The following LAMC3 variants were observed in gnomAD, a reference collection of about 807,000 sequenced individuals.
The protein encoded by LAMC3 is laminin subunit gamma 3, also known as laminin subunit gamma-3.
A neutral mutation model predicts 173.8 loss-of-function variants in LAMC3; 128 were observed. That is an observed-to-expected ratio of 0.74 (90% CI 0.64 to 0.85). The LOEUF is 0.85. Ranked by LOEUF, LAMC3 falls within the 40% of genes least tolerant of loss-of-function variation. The pLI is 0.00. For synonymous variants in LAMC3, 897 were observed against 909.1 expected, an observed-to-expected ratio of 0.99 and a Z score of 0.24; for missense variants, 2,022 against 2,156.0, an observed-to-expected ratio of 0.94 and a Z score of 1.23.
At chr9:131,043,582 A>G (rs1834095307) in intron 7 of LAMC3, among the ~76,000 whole-genome samples, 1 of 152,256 alleles carries the variant, frequency 6.6e-6, no homozygotes, top group South Asian at 2.1e-4. Flanking sequence ...ATAGTATTGG[A>G]TTATAACCCA....
At chr9:131,024,428 G>A (rs1225059654) in intron 1 of LAMC3, among the ~76,000 whole-genome samples, 1 of 152,142 alleles carries the variant, frequency 6.6e-6, no homozygotes, top group East Asian at 1.9e-4. Context: ...TTACAGGCAT[G>A]AGCCACCGCA....
intron 1 of LAMC3, among the ~76,000 whole-genome samples, chr9:131,024,435 C>T (rs774685241): frequency 4.6e-5 from 7 of 152,080 alleles, no homozygotes; most frequent in Non-Finnish European, 8.8e-5. Flanking sequence ...CATGAGCCAC[C>T]GCACCCAGCC....
intron 11 of LAMC3, among the ~76,000 whole-genome samples, chr9:131,054,708 G>A (rs1051848343): frequency 6.6e-6 from 1 of 151,780 alleles, no homozygotes; most frequent in African/African-American, 2.4e-5. Flanking sequence ...TCATGCCACT[G>A]CACTCCAGCC....
intron 7 of LAMC3, 56 bp from the exon 8 acceptor site, chr9:131,045,468 G>C (rs899526832): frequency 3.1e-6 from 5 of 1,606,528 alleles, no homozygotes; most frequent in Non-Finnish European, 4.2e-6. Context: ...CCCTGGCCCC[G>C]CCCCTTCCTG....
At chr9:131,088,957 T>A (rs977455246) in intron 27 of LAMC3, among the ~76,000 whole-genome samples, 9 of 152,022 alleles carry the variant, frequency 5.9e-5, no homozygotes, top group Non-Finnish European at 1.3e-4. Context: ...TGGTGGCACA[T>A]GCCTGTAATC....
intron 21 of LAMC3, among the ~76,000 whole-genome samples, chr9:131,076,376 C>T (rs1830126959): frequency 6.6e-6 from 1 of 152,142 alleles, no homozygotes; most frequent in Admixed American, 6.5e-5. Context: ...GCTTTGGTGA[C>T]CCCTTCTGTC....
chr9:131,040,200 T>TG (rs1442378250), intron 6 of LAMC3, among the ~76,000 whole-genome samples: 1 of 151,352 alleles, frequency 6.6e-6, no homozygotes, highest in African/African-American at 2.4e-5. Context: ...TTTTTTAAGA[T>TG]GGAGTCCTCC....
intron 24 of LAMC3, among the ~76,000 whole-genome samples, chr9:131,082,541 C>A (rs1048288287): frequency 2.0e-5 from 3 of 152,166 alleles, no homozygotes; most frequent in African/African-American, 4.8e-5. Context: ...CTATGGGAAG[C>A]AGATGGAGTT....
intron 27 of LAMC3, among the ~76,000 whole-genome samples, chr9:131,088,782 ATGAATT>A (rs1352211155): frequency 2.6e-5 from 4 of 151,714 alleles, no homozygotes; most frequent in Admixed American, 2.6e-4. Context: ...TTCTGTCTCT[ATGAATT>A]TGACTACTCT....
chr9:131,026,622 C>A lies in LAMC3; in HGVS notation c.678+33C>A, dbSNP rs761549194. On this transcript the variant is annotated intron_variant, in intron 2 of 27. Coordinates refer to ENST00000361069, the MANE Select transcript of LAMC3 (RefSeq NM_006059.4). The surrounding 1 kb of genome is among the most constrained non-coding windows in gnomAD (Gnocchi z 4.8). ...AGGAGCGGGGCTTCGGAGGTTGGGACGGGGTTGGGACTGGGTCACGGCAGT... is the reference window on the plus strand; with the variant it reads ...AGGAGCGGGGCTTCGGAGGTTGGGAAGGGGTTGGGACTGGGTCACGGCAGT... 6.5e-7 allele frequency: 1 copy of A among 1,534,390 alleles called. No homozygotes were observed.
intron 11 of LAMC3, among the ~76,000 whole-genome samples, chr9:131,053,894 C>T (rs955225415): frequency 4.6e-5 from 7 of 151,918 alleles, no homozygotes; most frequent in African/African-American, 1.7e-4. Flanking sequence ...CCTGTAATTC[C>T]AGCTACTCAG....
Position 131,039,247 on chromosome 9 carries a change from A to G in LAMC3, c.1282A>G (p.Arg428Gly). 6.2e-7 allele frequency: 1 copy of G among 1,603,244 alleles called. No homozygotes were observed. Among genetic ancestry groups the G allele is most frequent in the Non-Finnish European group, 8.5e-7 (1 of 1,179,538 alleles). ...GFHSLSEGGC[R>G]PCTCNPAGSL... ...CCACTCGCTCAGTGAGGGAGGCTGCAGGTGAGGGCGAGGGGCGGCCCAGTA... is the reference window on the plus strand; with the variant it reads ...CCACTCGCTCAGTGAGGGAGGCTGCGGGTGAGGGCGAGGGGCGGCCCAGTA... The change falls in exon 6 of 28, where the codon AGA (arginine) becomes GGA (glycine). Residue 428 changes from arginine (R) to glycine (G), a missense_variant and splice_region_variant. By Grantham distance (125) the Arg-to-Gly change is moderately radical. Transcript: ENST00000361069.
intron 13 of LAMC3, among the ~76,000 whole-genome samples, chr9:131,062,423 T>C (rs757352472): frequency 6.6e-6 from 1 of 152,230 alleles, no homozygotes; most frequent in Non-Finnish European, 1.5e-5. Flanking sequence ...ATTTTTATTA[T>C]GGTAAAATAT....
chr9:131,068,021 A>G (rs879216916), intron 14 of LAMC3, 57 bp from the exon 15 acceptor site: 2 of 1,591,060 alleles, frequency 1.3e-6, no homozygotes, highest in Non-Finnish European at 1.7e-6. Context: ...TGGACCCCCA[A>G]AGTTGGAACA....
intron 2 of LAMC3, 24 bp from the exon 3 acceptor site, chr9:131,032,021 G>A: frequency 6.2e-7 from 1 of 1,614,104 alleles, no homozygotes; most frequent in East Asian, 2.2e-5. Context: ...ACCTGCTGAT[G>A]GCACCCTCTC....
intron 13 of LAMC3, among the ~76,000 whole-genome samples, chr9:131,061,942 T>C (rs952970294): frequency 3.3e-5 from 5 of 152,202 alleles, no homozygotes; most frequent in Middle Eastern, 3.4e-3. Context: ...TCCCAGATAC[T>C]CTGGAGGCTG....
At chr9:131,018,537 T>G (rs1448923271) in intron 1 of LAMC3, among the ~76,000 whole-genome samples, 1 of 152,144 alleles carries the variant, frequency 6.6e-6, no homozygotes, top group Non-Finnish European at 1.5e-5. Context: ...TTGAGACAGC[T>G]GTGTTCCTAT....
At chr9:131,018,534 A>G (rs935064727) in intron 1 of LAMC3, among the ~76,000 whole-genome samples, 1 of 152,194 alleles carries the variant, frequency 6.6e-6, no homozygotes, top group Non-Finnish European at 1.5e-5. Flanking sequence ...TGATTGAGAC[A>G]GCTGTGTTCC....
In LAMC3 at chr9:131,071,763, G is replaced by A; in HGVS notation, c.3211+138G>A. The A allele has an allele frequency of 6.2e-6, 5 of 802,100 alleles. No homozygotes were observed. In the South Asian group the frequency reaches 6.4e-5, roughly 10 times the overall value. 49.7% of individuals were successfully genotyped at this position (802,100 alleles called of 1,614,324 possible). A position where few individuals can be genotyped will look rare whatever the true frequency, so the allele number is the denominator to read the frequency against. On this transcript the variant is annotated intron_variant, in intron 18 of 27. Transcript: ENST00000361069. ...GGGCCTTTACTTCCCTAGCCCACCT[G>A]TAACTTTATTAATATCAGTCCTTGT...
Sources: gnomAD v4.1 joint callset for allele counts (sites outside exome capture counted in the v4.1 genomes callset) on GRCh38, gnomAD v4.1.1 for gene constraint, Gnocchi (gnomAD v3.1) non-coding constraint, MANE v1.5 for transcripts, NCBI Gene and HGNC (gene_info 2026-07-23, HGNC 2026-07-21) for gene names.